KRT79: variants seen among roughly 807,000 people sequenced by gnomAD.
The protein encoded by KRT79 is keratin, type II cytoskeletal 79.
In KRT79, 51 loss-of-function variants were observed where a neutral mutation model predicts 49.0. That is an observed-to-expected ratio of 1.04 (90% CI 0.83 to 1.31). The LOEUF is 1.31. Among genes scored for constraint, KRT79 ranks in the 40% most tolerant of loss-of-function variants. KRT79 has a pLI of 0.00. For synonymous variants in KRT79, 312 were observed against 286.6 expected (o/e 1.09, Z -0.90); for missense variants, 728 against 688.0 (o/e 1.06, Z -0.65).
chr12:52,828,959 G>T (rs1373314780), intron 4 of KRT79, among the ~76,000 whole-genome samples: 1 of 152,118 alleles, frequency 6.6e-6, no homozygotes, highest in South Asian at 2.1e-4. Context: ...CAAAGTCAAG[G>T]GCAGAAGTCA....
At position 52,834,102 on chromosome 12, in the gene KRT79, G is replaced by A; in HGVS notation, c.159C>T (p.Gly53=). 1.2e-6 allele frequency: 2 copies of A among 1,613,226 alleles called. No individual in the cohort carries two copies. Among genetic ancestry groups the A allele is most frequent in the Non-Finnish European group, 1.7e-6 (2 of 1,179,870 alleles). The change falls in exon 1 of 9, where the codon GGC becomes GGT. Residue 53 remains glycine, a synonymous_variant. Transcript: ENST00000330553. ...GGCTTCGGCTGCCAAAGCCACCTGT[G>A]CCGGGGCCACAGTGGGCCCCGCCAC... The part of the protein sequence containing the change: ...GSGGGAHCGP[G]TGGFGSRSLY...
chr12:52,831,292 G>C (rs1250439562), intron 2 of KRT79, 114 bp downstream of exon 2: 4 of 932,682 alleles, frequency 4.3e-6, no homozygotes, highest in Non-Finnish European at 6.8e-6. Context: ...AGCCAGCTCT[G>C]TCTGTGCATC....
At chr12:52,823,806 C>A in intron 6 of KRT79, 81 bp downstream of exon 6, 1 of 1,475,962 alleles carries the variant, frequency 6.8e-7, no homozygotes, top group South Asian at 1.3e-5. Flanking sequence ...AGGAGAAGAG[C>A]AGGCCTAGCC....
At chr12:52,831,995 A>T (rs894142028) in intron 1 of KRT79, among the ~76,000 whole-genome samples, 3 of 152,206 alleles carry the variant, frequency 2.0e-5, no homozygotes, top group African/African-American at 7.2e-5. Context: ...TCTGTTTAAA[A>T]TGTAAATCAA....
At chr12:52,825,109 G>A (rs1199720305) in intron 4 of KRT79, among the ~76,000 whole-genome samples, 1 of 152,182 alleles carries the variant, frequency 6.6e-6, no homozygotes, top group Non-Finnish European at 1.5e-5. Context: ...GGGACCAGTG[G>A]GATCGCTGGG....
At position 52,834,307 on chromosome 12, in the gene KRT79, G is replaced by T; in HGVS notation, c.-47C>A. The T allele has an allele frequency of 6.8e-7, 1 of 1,465,154 alleles. No individual in the cohort carries two copies. Among genetic ancestry groups the T allele is most frequent in the Non-Finnish European group, 9.5e-7 (1 of 1,047,528 alleles). The allele number at this position is 1,465,154 out of a possible 1,614,324, so 90.8% of individuals were successfully genotyped here. Reference sequence around the variant, plus strand: ...CAGGATGAGAGGGCAGGAAGGGAGTGCCGTGAGCTGCTGGGCCACTGTGGG... The same window carrying T: ...CAGGATGAGAGGGCAGGAAGGGAGTTCCGTGAGCTGCTGGGCCACTGTGGG... On this transcript the variant is annotated 5_prime_UTR_variant, in exon 1 of 9. Transcript: ENST00000330553.
At chr12:52,827,872 C>T (rs150133084) in intron 4 of KRT79, among the ~76,000 whole-genome samples, 1 of 152,228 alleles carries the variant, frequency 6.6e-6, no homozygotes, top group African/African-American at 2.4e-5. Flanking sequence ...AGATGAGAGA[C>T]CTTGGCCTTG....
intron 4 of KRT79, among the ~76,000 whole-genome samples, chr12:52,828,133 T>C (rs1438147986): frequency 1.3e-5 from 2 of 152,208 alleles, no homozygotes; most frequent in African/African-American, 4.8e-5. Flanking sequence ...CCATCATGGG[T>C]TCCCTAAGGA....
chr12:52,826,386 G>A (rs776438465), intron 4 of KRT79, among the ~76,000 whole-genome samples: 1 of 151,822 alleles, frequency 6.6e-6, no homozygotes, highest in Non-Finnish European at 1.5e-5. Context: ...GGTGACGTGC[G>A]CCTGTAATCC....
intron 4 of KRT79, among the ~76,000 whole-genome samples, chr12:52,829,738 T>C (rs1940223457): frequency 6.6e-6 from 1 of 152,108 alleles, no homozygotes; most frequent in Non-Finnish European, 1.5e-5. Context: ...CCATCTCTAC[T>C]AAAAATACAA....
intron 5 of KRT79, 35 bp from the exon 6 acceptor site, chr12:52,824,047 T>C: frequency 6.2e-7 from 1 of 1,613,938 alleles, no homozygotes; most frequent in Non-Finnish European, 8.5e-7. Flanking sequence ...CGCTTTCAAA[T>C]GGCCCCAGCC....
At position 52,821,761 on chromosome 12, in the gene KRT79, G is replaced by C; in HGVS notation, c.*111C>G. The C allele has an allele frequency of 1.1e-6, 1 of 928,870 alleles. No homozygotes were observed. The highest frequency in any genetic ancestry group is 1.7e-6 in the Non-Finnish European group (1 of 600,992). 57.5% of individuals were successfully genotyped at this position (928,870 alleles called of 1,614,324 possible). A position where few individuals can be genotyped will look rare whatever the true frequency, so the allele number is the denominator to read the frequency against. On this transcript the variant is annotated 3_prime_UTR_variant, in exon 9 of 9. Coordinates refer to ENST00000330553, the MANE Select transcript of KRT79 (RefSeq NM_175834.3). ...ATAGTCTGGTATGAAAATACCCTGG[G>C]TCTGAGGTCCCCTGGCTGTTCCTGC...
In KRT79 at chr12:52,821,619, G is replaced by C; in HGVS notation, c.*253C>G. ...TCAGCCTCCTCTCGGTGGTCAAAAGGTCACCCCCAAGTCACCCAAGCACAT... is the reference window on the plus strand; with the variant it reads ...TCAGCCTCCTCTCGGTGGTCAAAAGCTCACCCCCAAGTCACCCAAGCACAT... On this transcript the variant is annotated 3_prime_UTR_variant, in exon 9 of 9. Coordinates refer to ENST00000330553, the MANE Select transcript of KRT79 (RefSeq NM_175834.3). 3.5e-6 allele frequency: 1 copy of C among 288,094 alleles called. No individual in the cohort carries two copies. Among genetic ancestry groups the C allele is most frequent in the East Asian group, 4.7e-5 (1 of 21,096 alleles). 17.8% of individuals were successfully genotyped at this position (288,094 alleles called of 1,614,324 possible).
intron 1 of KRT79, among the ~76,000 whole-genome samples, chr12:52,833,542 A>G (rs2682288): frequency 0.72 from 109,237 of 152,058 alleles, 40,607 homozygotes; most frequent in African/African-American, 0.91. Flanking sequence ...GGCAAGGTGG[A>G]CTTGGCAAAC....
chr12:52,830,053 C>A lies in KRT79; in HGVS notation c.825G>T (p.Glu275Asp). The change falls in exon 4 of 9, where the codon GAG becomes GAT. Residue 275 changes from glutamate to aspartate, a missense_variant. By Grantham distance (45) the Glu-to-Asp change is conservative. Coordinates refer to ENST00000330553, the MANE Select transcript of KRT79 (RefSeq NM_175834.3). ...CATAGAGTTGCTGCAGGAAGTCAATCTCCTGGGTCAAGGTGCCCACTTTGC... is the reference window on the plus strand; with the variant it reads ...CATAGAGTTGCTGCAGGAAGTCAATATCCTGGGTCAAGGTGCCCACTTTGC... ...LHGKVGTLTQ[E>D]IDFLQQLYEM... 6.2e-7 allele frequency: 1 copy of A among 1,614,216 alleles called. No homozygotes were observed. The highest frequency in any genetic ancestry group is 8.5e-7 in the Non-Finnish European group (1 of 1,180,034).
In KRT79 at chr12:52,824,432, A is replaced by G. The variant is rs953509169; in HGVS notation, c.856-70T>C. 5 of 1,509,156 alleles carry G rather than the reference A, an allele frequency of 3.3e-6. No homozygotes were observed. In the Admixed American group the frequency reaches 9.1e-5, roughly 27 times the overall value. 93.5% of individuals were successfully genotyped at this position (1,509,156 alleles called of 1,614,324 possible). A position where few individuals can be genotyped will look rare whatever the true frequency, so the allele number is the denominator to read the frequency against. ...CCCAGGAAGCATCAGAGGGTGAAGG[A>G]CATGGGCCCCCAGGTAGCATCAGGA... On this transcript the variant is annotated intron_variant, in intron 4 of 8. Coordinates refer to ENST00000330553, the MANE Select transcript of KRT79 (RefSeq NM_175834.3).
At chr12:52,827,271 G>C (rs1394772222) in intron 4 of KRT79, among the ~76,000 whole-genome samples, 1 of 152,206 alleles carries the variant, frequency 6.6e-6, no homozygotes, top group African/African-American at 2.4e-5. Flanking sequence ...GTCCCCCACA[G>C]CTCTCATCAC....
Position 52,821,613 on chromosome 12 carries a change from C to CGCCGTATCATTAAAAAA in KRT79, c.*258_*259insTTTTTTAATGATACGGC. ...AGAAATTCAGCCTCCTCTCGGTGGT[C>CGCCGTATCATTAAAAAA]AAAAGGTCACCCCCAAGTCACCCAA... On this transcript the variant is annotated 3_prime_UTR_variant, in exon 9 of 9. Transcript: ENST00000330553. 1.4e-5 allele frequency: 7 copies of CGCCGTATCATTAAAAAA among 494,320 alleles called. No individual in the cohort carries two copies. Among genetic ancestry groups the CGCCGTATCATTAAAAAA allele is most frequent in the African/African-American group, 6.6e-5 (3 of 45,116 alleles). 30.6% of individuals were successfully genotyped at this position (494,320 alleles called of 1,614,324 possible).
At chr12:52,824,078 C>G (rs1271739256) in intron 5 of KRT79, 66 bp from the exon 6 acceptor site, 1 of 1,612,866 alleles carries the variant, frequency 6.2e-7, no homozygotes, top group Admixed American at 1.7e-5. Flanking sequence ...GCTGGAGGCC[C>G]CATGCAAGTT....
Sources: gnomAD v4.1 joint callset for allele counts (sites outside exome capture counted in the v4.1 genomes callset) on GRCh38, gnomAD v4.1.1 for gene constraint, MANE v1.5 for transcripts, NCBI Gene and HGNC (gene_info 2026-07-23, HGNC 2026-07-21) for gene names.